CCDC83: variants seen among roughly 807,000 people sequenced by gnomAD.
The protein encoded by CCDC83 is coiled-coil domain-containing protein 83.
Under a neutral mutation model 50.1 loss-of-function variants are expected in CCDC83, and 54 were observed. The ratio of observed to expected loss-of-function variants is 1.08; its 90% CI spans 0.87 to 1.35. The LOEUF is 1.35. Ranked by LOEUF, CCDC83 falls within the 40% of genes most tolerant of loss-of-function variation. CCDC83 has a pLI of 0.00. For synonymous variants in CCDC83, 161 were observed against 153.3 expected (o/e 1.05, Z -0.37); for missense variants, 518 against 473.9 (o/e 1.09, Z -0.86).
intron 6 of CCDC83, among the ~76,000 whole-genome samples, chr11:85,897,679 AT>A (rs2093381667): frequency 6.6e-6 from 1 of 152,220 alleles, no homozygotes; most frequent in Admixed American, 6.5e-5. Flanking sequence ...CCATTAGCCA[AT>A]TAACTTCAGT....
intron 6 of CCDC83, among the ~76,000 whole-genome samples, chr11:85,896,234 C>A (rs2093374517): frequency 6.6e-6 from 1 of 151,754 alleles, no homozygotes; most frequent in Non-Finnish European, 1.5e-5. Flanking sequence ...TGAGATCAAG[C>A]TTGGGCAACA....
intron 1 of CCDC83, among the ~76,000 whole-genome samples, chr11:85,859,436 G>A (rs953845443): frequency 6.6e-6 from 1 of 152,152 alleles, no homozygotes; most frequent in Non-Finnish European, 1.5e-5. Flanking sequence ...CAAGGCTACA[G>A]TAACCCAAAC....
intron 1 of CCDC83, among the ~76,000 whole-genome samples, chr11:85,859,158 T>TA (rs55964668): frequency 0.11 from 7,349 of 68,592 alleles, 514 homozygotes; most frequent in African/African-American, 0.17. Flanking sequence ...CTTGGTGCCT[T>TA]AAAAAAAAAA....
chr11:85,864,742 T>C (rs2153682280), intron 1 of CCDC83, among the ~76,000 whole-genome samples: 1 of 152,342 alleles, frequency 6.6e-6, no homozygotes, highest in South Asian at 2.1e-4. Flanking sequence ...ATTTAATTAA[T>C]GTCTCTCTGC....
At chr11:85,888,065 C>T (rs1170236429) in intron 5 of CCDC83, among the ~76,000 whole-genome samples, 2 of 152,094 alleles carry the variant, frequency 1.3e-5, no homozygotes, top group Non-Finnish European at 1.5e-5. Flanking sequence ...AAGGTTGTTT[C>T]TAGTGTTTTA....
intron 1 of CCDC83, among the ~76,000 whole-genome samples, chr11:85,863,466 G>A (rs1451814786): frequency 6.6e-6 from 1 of 152,096 alleles, no homozygotes; most frequent in Admixed American, 6.6e-5. Flanking sequence ...AGATCTTTTT[G>A]TTGTGTCATC....
intron 7 of CCDC83, among the ~76,000 whole-genome samples, chr11:85,901,258 T>G (rs1436356740): frequency 6.6e-6 from 1 of 152,002 alleles, no homozygotes; most frequent in Non-Finnish European, 1.5e-5. Context: ...CAAGATGCTT[T>G]AAGAACAAAA....
intron 8 of CCDC83, chr11:85,912,654 C>T (rs2093459984): frequency 1.3e-6 from 2 of 1,593,392 alleles, no homozygotes; most frequent in Admixed American, 3.3e-5. Context: ...ATCAGGTATC[C>T]AGTGCTACAT....
chr11:85,857,221 G>A (rs1289927367), intron 1 of CCDC83, among the ~76,000 whole-genome samples: 1 of 152,162 alleles, frequency 6.6e-6, no homozygotes, highest in Non-Finnish European at 1.5e-5. Flanking sequence ...CCAAGCCCTC[G>A]AAGGGCACGC....
chr11:85,908,443 G>A (rs1051566692), intron 7 of CCDC83, among the ~76,000 whole-genome samples: 3 of 152,014 alleles, frequency 2.0e-5, no homozygotes, highest in Non-Finnish European at 2.9e-5. Context: ...GAAGGCACCC[G>A]TGGAGGCTGA....
chr11:85,888,509 TA>T (rs1248730996), intron 5 of CCDC83, among the ~76,000 whole-genome samples: 1 of 152,188 alleles, frequency 6.6e-6, no homozygotes, highest in Non-Finnish European at 1.5e-5. Context: ...CTTTACATTT[TA>T]AAAAAATTAG....
At chr11:85,879,816 ACCATATTGT>A (rs2093289540) in intron 3 of CCDC83, among the ~76,000 whole-genome samples, 1 of 152,062 alleles carries the variant, frequency 6.6e-6, no homozygotes, top group African/African-American at 2.4e-5. Context: ...ATGTGGTTTC[ACCATATTGT>A]CCAGGCTGGT....
At chr11:85,884,919 A>G (rs953085890) in intron 4 of CCDC83, among the ~76,000 whole-genome samples, 4 of 152,220 alleles carry the variant, frequency 2.6e-5, no homozygotes, top group African/African-American at 9.6e-5. Context: ...TTTTAAATAT[A>G]GTATCTTGTG....
At chr11:85,915,988 C>G (rs1345091855) in intron 9 of CCDC83, 40 bp from the exon 10 acceptor site, 3 of 1,351,250 alleles carry the variant, frequency 2.2e-6, no homozygotes, top group Non-Finnish European at 3.1e-6. Flanking sequence ...TGTATATGTT[C>G]AAAATGTATA....
chr11:85,886,177 C>G (rs2093325834), intron 4 of CCDC83, 23 bp from the exon 5 acceptor site: 6 of 1,505,606 alleles, frequency 4.0e-6, no homozygotes, highest in Non-Finnish European at 5.3e-6. Context: ...ACAGAAATGA[C>G]ACAGTGTCTT....
At chr11:85,873,114 A>G (rs1035816538) in intron 2 of CCDC83, 97 bp from the exon 3 acceptor site, 1 of 542,014 alleles carries the variant, frequency 1.8e-6, no homozygotes. Context: ...ATGTGTTTTC[A>G]TAATACATTT....
intron 7 of CCDC83, among the ~76,000 whole-genome samples, chr11:85,904,092 T>C (rs1022329631): frequency 6.6e-6 from 1 of 152,148 alleles, no homozygotes; most frequent in African/African-American, 2.4e-5. Flanking sequence ...ACCATTCAAT[T>C]AATGACTCTC....
At position 85,857,564 on chromosome 11, in the gene CCDC83, TC is replaced by T. The variant is rs545758678; in HGVS notation, c.-29+1982del. Among the ~76,000 whole-genome samples the T allele has an allele frequency of 1.2e-3, 180 of 152,164 alleles. 2 individuals carry two copies. Among genetic ancestry groups the T allele is most frequent in the African/African-American group, 4.1e-3 (169 of 41,512 alleles). On this transcript the variant is annotated intron_variant, in intron 1 of 10. Transcript: ENST00000342404. Reference sequence around the variant, plus strand: ...ATCTTCAAGGAGACCATGATTGGGGTCCACAAGCTACACAAGATGATGGCCA... The same window carrying T: ...ATCTTCAAGGAGACCATGATTGGGGTCACAAGCTACACAAGATGATGGCCA...
chr11:85,855,297 C>G (rs1365059718), upstream of CCDC83: 3 of 152,798 alleles, frequency 2.0e-5, no homozygotes, highest in African/African-American at 7.2e-5. Flanking sequence ...AGCTTCCCCC[C>G]GACCACCCTC....
Sources: gnomAD v4.1 joint callset for allele counts (sites outside exome capture counted in the v4.1 genomes callset) on GRCh38, gnomAD v4.1.1 for gene constraint, MANE v1.5 for transcripts, NCBI Gene and HGNC (gene_info 2026-07-23, HGNC 2026-07-21) for gene names.